Variants in CDH18 observed in about 807,000 individuals in gnomAD.
CDH18 encodes cadherin 18.
CDH18 carries 31 observed loss-of-function variants against 67.9 expected under a neutral mutation model. That is an observed-to-expected ratio of 0.46 (90% CI 0.34 to 0.62). The LOEUF is 0.62. Ranked by LOEUF, CDH18 falls within the 20% of genes least tolerant of loss-of-function variation. The pLI is 0.01. For synonymous variants in CDH18, 362 were observed against 347.2 expected, an observed-to-expected ratio of 1.04 and a Z score of -0.48; for missense variants, 890 against 975.5, an observed-to-expected ratio of 0.91 and a Z score of 1.17.
At chr5:19,930,095 A>G (rs780671540) in intron 2 of CDH18, among the ~76,000 whole-genome samples, 4 of 152,102 alleles carry the variant, frequency 2.6e-5, no homozygotes, top group Non-Finnish European at 5.9e-5. Flanking sequence ...ACACTAGTTC[A>G]TTTAATCTTT....
chr5:19,513,094 C>CTTAT (rs1406029096), intron 10 of CDH18, among the ~76,000 whole-genome samples: 2 of 151,034 alleles, frequency 1.3e-5, no homozygotes, highest in Non-Finnish European at 3.0e-5. Context: ...TTAATCAGTC[C>CTTAT]TTATTTATTT....
chr5:19,574,068 T>C (rs896101637), intron 7 of CDH18, among the ~76,000 whole-genome samples: 22 of 152,180 alleles, frequency 1.4e-4, no homozygotes, highest in African/African-American at 5.1e-4. Context: ...GGCTTTCACA[T>C]CTTTTGGACT....
chr5:19,571,366 A>G (rs986300809), intron 8 of CDH18, among the ~76,000 whole-genome samples: 25 of 152,198 alleles, frequency 1.6e-4, no homozygotes, highest in African/African-American at 6.0e-4. Context: ...TGTGGTCAAT[A>G]AGACATTCAT....
At chr5:20,020,439 A>C (rs1476172752) in intron 2 of CDH18, among the ~76,000 whole-genome samples, 1 of 151,968 alleles carries the variant, frequency 6.6e-6, no homozygotes, top group East Asian at 1.9e-4. Flanking sequence ...CCTCCCATCA[A>C]AGGCCTGGAG....
At chr5:19,616,019 C>T (rs192949495) in intron 5 of CDH18, among the ~76,000 whole-genome samples, 1 of 152,112 alleles carries the variant, frequency 6.6e-6, no homozygotes, top group Non-Finnish European at 1.5e-5. Context: ...TGTATAAACA[C>T]AAATTTTCAA....
chr5:20,161,270 G>T (rs1320439538), intron 2 of CDH18, among the ~76,000 whole-genome samples: 8 of 152,202 alleles, frequency 5.3e-5, no homozygotes, highest in African/African-American at 1.9e-4. Context: ...AGTCAACTTG[G>T]TGTCTCACAT....
intron 3 of CDH18, among the ~76,000 whole-genome samples, chr5:19,753,716 T>C (rs146108945): frequency 6.6e-6 from 1 of 152,162 alleles, no homozygotes; most frequent in Non-Finnish European, 1.5e-5. Context: ...GAATCTTAAG[T>C]GCTGTGAGAC....
chr5:19,620,791 A>G (rs1189174604), intron 5 of CDH18, among the ~76,000 whole-genome samples: 1 of 152,120 alleles, frequency 6.6e-6, no homozygotes, highest in Non-Finnish European at 1.5e-5. Flanking sequence ...ATATTTAATA[A>G]TCATACTGAT....
chr5:20,447,220 A>C (rs1750069190), intron 1 of CDH18, among the ~76,000 whole-genome samples: 1 of 151,202 alleles, frequency 6.6e-6, no homozygotes, highest in African/African-American at 2.4e-5. Flanking sequence ...TTCTTTCTTC[A>C]GTCAATAAAG....
At chr5:20,087,120 A>C (rs1745028336) in intron 2 of CDH18, among the ~76,000 whole-genome samples, 1 of 152,182 alleles carries the variant, frequency 6.6e-6, no homozygotes. Context: ...CTCATGGATG[A>C]CTTTTACACC....
At chr5:19,929,344 G>A (rs1793432736) in intron 2 of CDH18, among the ~76,000 whole-genome samples, 1 of 152,072 alleles carries the variant, frequency 6.6e-6, no homozygotes, top group Admixed American at 6.6e-5. Context: ...CATAAGAACA[G>A]AAGAGCATTA....
intron 7 of CDH18, among the ~76,000 whole-genome samples, chr5:19,583,708 C>T (rs1277198696): frequency 2.0e-5 from 3 of 152,104 alleles, no homozygotes; most frequent in Non-Finnish European, 4.4e-5. Flanking sequence ...ACAGACATAG[C>T]TTAGAGCACA....
intron 1 of CDH18, among the ~76,000 whole-genome samples, chr5:20,261,841 T>C (rs557469890): frequency 6.6e-6 from 1 of 152,118 alleles, no homozygotes; most frequent in Non-Finnish European, 1.5e-5. Context: ...TGGAAAATCA[T>C]CAGCAATACA....
chr5:20,358,467 G>A (rs1741814473), intron 1 of CDH18, among the ~76,000 whole-genome samples: 1 of 152,144 alleles, frequency 6.6e-6, no homozygotes. Flanking sequence ...AGCGTTTTTT[G>A]TGGAGAGGTA....
rs373321793 is a variant in CDH18, at chr5:20,428,234, T to C, written c.-580+147228A>G. Among the ~76,000 whole-genome samples, 57 of 151,120 alleles carry C rather than the reference T, an allele frequency of 3.8e-4. 1 individual carries two copies. The South Asian group carries it at 0.012, about 31-fold the overall frequency. ...TCCTGTGTTAGCTTGCTGAGAATGA[T>C]GGCTTCTAGCTTCATCCATGTCCCT... On this transcript the variant is annotated intron_variant, in intron 1 of 14. Transcript: ENST00000507958.
At chr5:19,491,317 T>C (rs912532654) in intron 11 of CDH18, among the ~76,000 whole-genome samples, 1 of 152,200 alleles carries the variant, frequency 6.6e-6, no homozygotes, top group Non-Finnish European at 1.5e-5. Flanking sequence ...TGTTTAGGAA[T>C]GTGAGGAATC....
At chr5:20,158,138 TAATTTAATGTCTTA>T (rs1477836368) in intron 2 of CDH18, among the ~76,000 whole-genome samples, 1 of 152,204 alleles carries the variant, frequency 6.6e-6, no homozygotes, top group Non-Finnish European at 1.5e-5. Flanking sequence ...TAGTTATACA[TAATTTAATGTCTTA>T]AATAATTTTA....
chr5:20,075,393 C>T (rs139069018), intron 2 of CDH18, among the ~76,000 whole-genome samples: 154 of 152,194 alleles, frequency 1.0e-3, no homozygotes, highest in African/African-American at 3.6e-3. Flanking sequence ...GCCCCAGCTA[C>T]TTGGGAGGCT....
intron 1 of CDH18, among the ~76,000 whole-genome samples, chr5:20,414,441 AAAC>A (rs1426981144): frequency 6.6e-6 from 1 of 152,158 alleles, no homozygotes; most frequent in Non-Finnish European, 1.5e-5. Flanking sequence ...ATAAACAGGG[AAAC>A]AATAGACACT....
Sources: allele counts gnomAD v4.1 joint callset (sites outside exome capture counted in the v4.1 genomes callset), GRCh38; gene constraint gnomAD v4.1.1; transcripts MANE v1.5; gene names NCBI Gene and HGNC (gene_info 2026-07-23, HGNC 2026-07-21).